The following STARD13 variants were observed in gnomAD, a reference collection of about 807,000 sequenced individuals.
The protein encoded by STARD13 is stAR-related lipid transfer protein 13.
Under a neutral mutation model 106.4 loss-of-function variants are expected in STARD13, and 62 were observed. The ratio of observed to expected loss-of-function variants is 0.58; its 90% CI spans 0.48 to 0.72. STARD13 has a LOEUF of 0.72. Ranked by LOEUF, STARD13 falls within the 30% of genes least tolerant of loss-of-function variation. STARD13 has a pLI of 0.00. For synonymous variants in STARD13, 565 were observed against 553.0 expected, an observed-to-expected ratio of 1.02 and a Z score of -0.31; for missense variants, 1,387 against 1,424.0, an observed-to-expected ratio of 0.97 and a Z score of 0.42.
the STARD13 span, among the ~76,000 whole-genome samples, chr13:33,600,682 C>A: frequency 2.6e-5 from 4 of 152,050 alleles, no homozygotes; most frequent in African/African-American, 4.8e-5. Flanking sequence ...GGGATGTACA[C>A]TTTTTACCAG....
intron 1 of STARD13, among the ~76,000 whole-genome samples, chr13:33,221,203 G>A (rs535012913): frequency 1.3e-5 from 2 of 152,162 alleles, no homozygotes; most frequent in Admixed American, 1.3e-4. Flanking sequence ...TTTTCATCTT[G>A]CAAAACTGAA....
chr13:33,542,588 C>G, the STARD13 span, among the ~76,000 whole-genome samples: 1 of 152,242 alleles, frequency 6.6e-6, no homozygotes, highest in Non-Finnish European at 1.5e-5. Context: ...AGACGAGGCG[C>G]GCGCACCAGC....
rs138416019 is a variant in STARD13 at position 33,111,706 on chromosome 13, A to G, written c.2607+72T>C. The G allele has an allele frequency of 2.7e-4, 239 of 894,102 alleles. 2 individuals are homozygous for G. In the African/African-American group the frequency reaches 3.4e-3, roughly 13 times the overall value. The allele number at this position is 894,102 out of a possible 1,614,324, so 55.4% of individuals were successfully genotyped here. On this transcript the variant is annotated intron_variant, in intron 10 of 13. Transcript: ENST00000336934. The stretch of plus-strand genomic sequence containing the variant: ...ACAAACAGATAGAAACCATAAATGT[A>G]GCAACAATCCCAAGCGTCTTATCTA...
intron 1 of STARD13, among the ~76,000 whole-genome samples, chr13:33,311,705 G>T (rs1306593089): frequency 6.6e-6 from 1 of 152,174 alleles, no homozygotes; most frequent in African/African-American, 2.4e-5. Flanking sequence ...GGAATATTTA[G>T]TGGGCTCCTT....
At chr13:33,418,166 G>T in the STARD13 span, among the ~76,000 whole-genome samples, 1 of 152,314 alleles carries the variant, frequency 6.6e-6, no homozygotes, top group South Asian at 2.1e-4. Flanking sequence ...AAGGGGTCAG[G>T]GGATTTCCCT....
chr13:33,388,152 C>G, the STARD13 span, among the ~76,000 whole-genome samples: 1 of 152,238 alleles, frequency 6.6e-6, no homozygotes, highest in Non-Finnish European at 1.5e-5. Flanking sequence ...AATTAGGAGG[C>G]GAGCAGAGCC....
rs2138101682 is a variant in STARD13, at chr13:33,118,166, G to T, written c.2180C>A (p.Ser727Tyr). 1 of 1,614,228 alleles carries T rather than the reference G, an allele frequency of 6.2e-7. No individual in the cohort carries two copies. Among genetic ancestry groups the T allele is most frequent in the African/African-American group, 1.3e-5 (1 of 75,050 alleles). The change falls in exon 8 of 14, where the codon TCT becomes TAT. Residue 727 changes from serine (S) to tyrosine (Y), a missense_variant. Transcript: ENST00000336934. The stretch of plus-strand genomic sequence containing the variant: ...CACCATATCCGCCACATCATAAGCA[G>T]ACTGGTCTTCATAGTTGACGTTCTC... ...FPENVNYEDQSAYDVADMVKQ... is the reference protein window; with the variant it reads ...FPENVNYEDQYAYDVADMVKQ...
chr13:33,374,869 T>C, the STARD13 span, among the ~76,000 whole-genome samples: 1 of 152,314 alleles, frequency 6.6e-6, no homozygotes, highest in South Asian at 2.1e-4. Flanking sequence ...TGCTAAATTG[T>C]AGACTCTGAT....
At chr13:33,515,809 T>C in the STARD13 span, among the ~76,000 whole-genome samples, 1 of 152,136 alleles carries the variant, frequency 6.6e-6, no homozygotes, top group Non-Finnish European at 1.5e-5. Flanking sequence ...GGCTGAAGGC[T>C]GTAGAGATGG....
intron 8 of STARD13, chr13:33,113,700 G>A (rs1383363244): frequency 4.6e-6 from 2 of 433,240 alleles, no homozygotes; most frequent in Non-Finnish European, 9.3e-6. Context: ...TATGGGGGAT[G>A]TCTGGCCCTT....
chr13:33,285,861 G>T (rs1029211267), upstream of STARD13: 78 of 1,089,794 alleles, frequency 7.2e-5, no homozygotes, highest in Admixed American at 6.0e-4. Context: ...GGGAACGTTT[G>T]CAGTCAGCCC....
chr13:33,207,832 C>G (rs568159823), intron 1 of STARD13, among the ~76,000 whole-genome samples: 1 of 152,316 alleles, frequency 6.6e-6, no homozygotes, highest in South Asian at 2.1e-4. Flanking sequence ...AGGCCCTGCT[C>G]GATGCAGGCT....
chr13:33,494,849 C>T, the STARD13 span, among the ~76,000 whole-genome samples: 1 of 151,904 alleles, frequency 6.6e-6, no homozygotes, highest in African/African-American at 2.4e-5. Context: ...TTCTTTGCTG[C>T]TGCACCAAAA....
chr13:33,200,069 T>G (rs1003908738), intron 1 of STARD13, among the ~76,000 whole-genome samples: 4 of 152,206 alleles, frequency 2.6e-5, no homozygotes, highest in African/African-American at 4.8e-5. Context: ...CAAATTCAGA[T>G]AGGATCCTCT....
the STARD13 span, among the ~76,000 whole-genome samples, chr13:33,392,077 G>A: frequency 2.0e-5 from 3 of 152,124 alleles, no homozygotes; most frequent in Non-Finnish European, 4.4e-5. Flanking sequence ...AAATTCAGTT[G>A]CTTAAGATTG....
the STARD13 span, among the ~76,000 whole-genome samples, chr13:33,366,815 C>T: frequency 3.9e-5 from 6 of 152,324 alleles, no homozygotes; most frequent in Admixed American, 6.5e-5. This position sits in a 1 kb window ranked among gnomAD's most constrained non-coding sequence, Gnocchi z 4.2. Context: ...TACAGTCCTA[C>T]GAGTTTCATA....
chr13:33,528,120 CATG>C, the STARD13 span, among the ~76,000 whole-genome samples: 1 of 148,176 alleles, frequency 6.7e-6, no homozygotes, highest in African/African-American at 2.5e-5. Context: ...ACATTCAAAA[CATG>C]ATGAAGTTTA....
chr13:33,659,220 CTTT>C, the STARD13 span, among the ~76,000 whole-genome samples: 1 of 34,150 alleles, frequency 2.9e-5, no homozygotes, highest in Non-Finnish European at 9.9e-5. Flanking sequence ...TGGGTTTTTT[CTTT>C]TTTTTTTTTT....
intron 1 of STARD13, among the ~76,000 whole-genome samples, chr13:33,349,405 A>G (rs374702114): frequency 6.6e-6 from 1 of 152,194 alleles, no homozygotes; most frequent in African/African-American, 2.4e-5. Context: ...TTATTGGGGC[A>G]GGCATGAGGC....
Sources: gnomAD v4.1 joint callset for allele counts (sites outside exome capture counted in the v4.1 genomes callset) on GRCh38, gnomAD v4.1.1 for gene constraint, Gnocchi (gnomAD v3.1) non-coding constraint, MANE v1.5 for transcripts, NCBI Gene and HGNC (gene_info 2026-07-23, HGNC 2026-07-21) for gene names.